Variants in PRL observed in about 807,000 individuals in gnomAD.
PRL encodes the protein prolactin, also known as decidual prolactin.
PRL carries 24 observed loss-of-function variants against 21.3 expected under a neutral mutation model. That is an observed-to-expected ratio of 1.13 (90% confidence interval 0.82 to 1.59). The LOEUF (loss-of-function observed/expected upper bound fraction) is 1.59, where lower values mean the gene tolerates loss of function less well. Among genes scored for constraint, PRL ranks in the 40% most tolerant of loss-of-function variants. The pLI is 0.00. For synonymous variants in PRL, 118 were observed against 115.7 expected (o/e 1.02, Z -0.13); for missense variants, 243 against 286.9 (o/e 0.85, Z 1.10).
At chr6:22,290,127 C>T (rs747039612) in intron 4 of PRL, 47 bp downstream of exon 4, 42 of 1,459,908 alleles carry the variant, frequency 2.9e-5, no homozygotes, top group Admixed American at 4.2e-5. Flanking sequence ...CAGAGGTCAC[C>T]GCTTATATTA....
At chr6:22,296,863 C>T (rs539869200) in intron 1 of PRL, 92 bp downstream of exon 1, 1 of 1,391,994 alleles carries the variant, frequency 7.2e-7, no homozygotes, top group Non-Finnish European at 1.0e-6. Context: ...ACCTTGTAAA[C>T]CTGCAAGCTC....
intron 1 of PRL, 138 bp downstream of exon 1, chr6:22,296,817 T>C (rs1442850774): frequency 3.5e-6 from 3 of 867,202 alleles, no homozygotes; most frequent in Non-Finnish European, 3.5e-6. Context: ...CCTTGTAAAA[T>C]TGCTTTCTAG....
At position 22,288,906 on chromosome 6, in the gene PRL, G is replaced by GCA. The variant is rs1561753110; in HGVS notation, c.492+1267_492+1268insTG. Among the ~76,000 whole-genome samples, 8 of 149,266 alleles carry GCA rather than the reference G, an allele frequency of 5.4e-5. No individual in the cohort carries two copies. Among genetic ancestry groups the GCA allele is most frequent in the South Asian group, 2.1e-4 (1 of 4,768 alleles). ...TGCGCGTGTGTGTGCGTGTGTGCGCGCGCGTGTGTGTGCGTGCGCGTGTGT... is the reference window on the plus strand; with the variant it reads ...TGCGCGTGTGTGTGCGTGTGTGCGCGCACGCGTGTGTGTGCGTGCGCGTGTGT... On this transcript the variant is annotated intron_variant, in intron 4 of 4. Transcript: ENST00000306482. This position sits in a 1 kb window ranked among gnomAD's most constrained non-coding sequence, Gnocchi z 4.5.
At chr6:22,298,853 A>T (rs888602367), upstream of PRL, among the ~76,000 whole-genome samples, 1 of 152,196 alleles carries the variant, frequency 6.6e-6, no homozygotes, top group Non-Finnish European at 1.5e-5. Context: ...TTAAAATTTA[A>T]AGGTGTTGCA....
At position 22,292,619 on chromosome 6, in the gene PRL, C is replaced by T. The variant is rs2113506700; in HGVS notation, c.231G>A (p.Gly77=). 1 of 1,613,876 alleles carries T rather than the reference C, an allele frequency of 6.2e-7. No homozygotes were observed. The highest frequency in any genetic ancestry group is 1.1e-5 in the South Asian group (1 of 91,034). Residue 77 remains glycine, a synonymous_variant, in exon 3 of 5, where the codon GGG becomes GGA. Coordinates refer to ENST00000306482, the MANE Select transcript of PRL (RefSeq NM_000948.6). ...EFDKRYTHGR[G]FITKAINSCH... ...AGCTGTTGATGGCCTTGGTAATGAA[C>T]CCCCGGCCATGGGTATACCGTTTAT...
chr6:22,292,478 A>G (rs1761069952), intron 3 of PRL, 60 bp downstream of exon 3: 2 of 1,480,048 alleles, frequency 1.4e-6, no homozygotes, highest in Non-Finnish European at 1.9e-6. Flanking sequence ...ACCTATCACC[A>G]TGATAATACC....
chr6:22,297,210 T>A, upstream of PRL: 1 of 563,820 alleles, frequency 1.8e-6, no homozygotes. Context: ...GAAGACATAC[T>A]GGCCAGAAAT....
At chr6:22,296,049 G>A (rs114895846) in intron 1 of PRL, among the ~76,000 whole-genome samples, 35 of 152,154 alleles carry the variant, frequency 2.3e-4, no homozygotes, top group Admixed American at 3.3e-4. Context: ...ATCATATGAC[G>A]AAACCAAATG....
chr6:22,292,534 T>TCA lies in PRL; in HGVS notation c.312+2_312+3dup. On this transcript the variant is annotated splice_donor_region_variant and intron_variant, in intron 3 of 4. Transcript: ENST00000306482. Reference sequence around the variant, plus strand: ...TTGGTGCAAAGCCTGGATGAAGGACTCACATTCATCTGTTGGGCTTGCTCC... The same window carrying TCA: ...TTGGTGCAAAGCCTGGATGAAGGACTCACACATTCATCTGTTGGGCTTGCTCC... 1.2e-6 allele frequency: 2 copies of TCA among 1,612,772 alleles called. No individual in the cohort carries two copies. The highest frequency in any genetic ancestry group is 1.1e-5 in the South Asian group (1 of 91,036).
At chr6:22,293,911 G>T (rs1307880772) in intron 2 of PRL, among the ~76,000 whole-genome samples, 1 of 152,168 alleles carries the variant, frequency 6.6e-6, no homozygotes, top group Non-Finnish European at 1.5e-5. Flanking sequence ...TCAGAGAAAT[G>T]ATTTCTAGCA....
At chr6:22,292,428 A>G (rs1761069241) in intron 3 of PRL, 110 bp downstream of exon 3, 4 of 1,004,482 alleles carry the variant, frequency 4.0e-6, no homozygotes, top group Admixed American at 2.1e-5. Flanking sequence ...TTCTTCCTAT[A>G]TTTTTCTCTG....
chr6:22,296,992 C>G lies in PRL; in HGVS notation c.-10G>C, dbSNP rs41271759. The G allele has an allele frequency of 1.2e-6, 2 of 1,613,914 alleles. No homozygotes were observed. Among genetic ancestry groups the G allele is most frequent in the Non-Finnish European group, 8.5e-7 (1 of 1,179,900 alleles). On this transcript the variant is annotated 5_prime_UTR_variant, in exon 1 of 5. Transcript: ENST00000306482. ...ATCCTTTGATGTTCATGTTCGTGATCGTTGCAGGAAACACACTTCACCAGA... is the reference window on the plus strand; with the variant it reads ...ATCCTTTGATGTTCATGTTCGTGATGGTTGCAGGAAACACACTTCACCAGA...
intron 1 of PRL, among the ~76,000 whole-genome samples, chr6:22,296,462 T>C (rs2113515461): frequency 6.6e-6 from 1 of 152,368 alleles, no homozygotes; most frequent in African/African-American, 2.4e-5. Flanking sequence ...TTGATTCAAG[T>C]TGGCCAATCC....
intron 1 of PRL, among the ~76,000 whole-genome samples, chr6:22,295,600 G>A (rs1369418059): frequency 6.6e-6 from 1 of 152,148 alleles, no homozygotes; most frequent in African/African-American, 2.4e-5. Context: ...CTTTGCTGAA[G>A]GTTTTCAAAG....
In PRL at chr6:22,287,579, G is replaced by C; in HGVS notation, c.507C>G (p.Thr169=). Residue 169 remains threonine (T), a synonymous_variant, in exon 5 of 5, where the codon ACC becomes ACG. Coordinates refer to ENST00000306482, the MANE Select transcript of PRL (RefSeq NM_000948.6). The stretch of plus-strand genomic sequence containing the variant: ...AGACAGGGTAGATCTCATTTTCTTT[G>C]GTTTCAGGATGAACCTAATCACACA... The part of the protein sequence containing the change: ...ELIVSQVHPE[T]KENEIYPVWS... The C allele has an allele frequency of 1.2e-6, 2 of 1,603,304 alleles. No homozygotes were observed. The highest frequency in any genetic ancestry group is 1.7e-6 in the Non-Finnish European group (2 of 1,173,952).
In PRL at chr6:22,288,279, G is replaced by C. The variant is rs370497677; in HGVS notation, c.493-686C>G. On this transcript the variant is annotated intron_variant, in intron 4 of 4. Transcript: ENST00000306482. The surrounding 1 kb of genome is among the most constrained non-coding windows in gnomAD (Gnocchi z 4.5). ...AGGCCGGGTGTGGTGGCTTACACTG[G>C]TTCACGCATTTTGGGAGGCAGAGGC... 6.6e-6 allele frequency among the ~76,000 whole-genome samples: 1 copy of C among 152,086 alleles called. No homozygotes were observed. The highest frequency in any genetic ancestry group is 2.1e-4 in the South Asian group (1 of 4,826).
At chr6:22,300,259 TG>T (rs981810328), upstream of PRL, among the ~76,000 whole-genome samples, 1 of 152,242 alleles carries the variant, frequency 6.6e-6, no homozygotes, top group Non-Finnish European at 1.5e-5. Context: ...GAATTGAATT[TG>T]GCCTAATGCT....
At chr6:22,300,740 T>G (rs955785273), upstream of PRL, among the ~76,000 whole-genome samples, 1 of 152,252 alleles carries the variant, frequency 6.6e-6, no homozygotes. Flanking sequence ...TAATCTGTTG[T>G]CAGTGCCTTG....
intron 2 of PRL, 127 bp downstream of exon 2, chr6:22,294,282 T>C (rs1761126371): frequency 1.9e-6 from 2 of 1,071,544 alleles, no homozygotes; most frequent in Non-Finnish European, 2.8e-6. Flanking sequence ...AGCTGGTGTC[T>C]TCTTTCACAT....
Sources: allele counts gnomAD v4.1 joint callset (sites outside exome capture counted in the v4.1 genomes callset), GRCh38; gene constraint gnomAD v4.1.1; non-coding constraint Gnocchi (gnomAD v3.1); transcripts MANE v1.5; gene names NCBI Gene and HGNC (gene_info 2026-07-23, HGNC 2026-07-21).